Variants in CNTNAP2 observed in about 807,000 individuals in gnomAD.
CNTNAP2 encodes the protein contactin-associated protein-like 2.
CNTNAP2 carries 98 observed loss-of-function variants against 155.2 expected under a neutral mutation model. The ratio of observed to expected loss-of-function variants is 0.63; its 90% confidence interval spans 0.54 to 0.75. CNTNAP2 has a LOEUF of 0.75. CNTNAP2 is among the 30% of genes least tolerant of loss of function. The pLI is 0.00. For missense variants in CNTNAP2, 1,727 were observed against 1,688.1 expected (o/e 1.02, Z -0.40); for synonymous variants, 651 against 631.2 (o/e 1.03, Z -0.47).
At chr7:147,595,287 A>C (rs2116850734) in intron 12 of CNTNAP2, among the ~76,000 whole-genome samples, 1 of 152,310 alleles carries the variant, frequency 6.6e-6, no homozygotes, top group East Asian at 1.9e-4. Context: ...GTCTAGATTT[A>C]GTAGCCCTGA....
intron 9 of CNTNAP2, among the ~76,000 whole-genome samples, chr7:147,302,237 A>T (rs1394021541): frequency 6.6e-6 from 1 of 152,210 alleles, no homozygotes; most frequent in Non-Finnish European, 1.5e-5. Flanking sequence ...GCTACTGATA[A>T]TCTCTGCTGA....
chr7:146,409,389 A>T (rs1378698277), intron 1 of CNTNAP2, among the ~76,000 whole-genome samples: 2 of 152,214 alleles, frequency 1.3e-5, no homozygotes, highest in Non-Finnish European at 1.5e-5. Context: ...GTAGCAATTA[A>T]GTAATTTTTT....
chr7:147,964,582 T>C (rs1801174156), intron 14 of CNTNAP2, among the ~76,000 whole-genome samples: 1 of 152,098 alleles, frequency 6.6e-6, no homozygotes, highest in South Asian at 2.1e-4. Flanking sequence ...CTGAAAAAAA[T>C]AAAAAAGTGA....
intron 16 of CNTNAP2, among the ~76,000 whole-genome samples, chr7:148,124,829 C>T (rs564751627): frequency 4.6e-5 from 7 of 152,036 alleles, no homozygotes; most frequent in African/African-American, 1.2e-4. Flanking sequence ...TATGAACAAT[C>T]GGTGGAGAGG....
chr7:146,673,199 T>G (rs1241672021), intron 1 of CNTNAP2, among the ~76,000 whole-genome samples: 2 of 152,178 alleles, frequency 1.3e-5, no homozygotes, highest in Non-Finnish European at 2.9e-5. Context: ...CTTATTGCCT[T>G]CCATTGAATT....
In CNTNAP2 at chr7:148,380,196, G is replaced by T. The variant is rs566482963; in HGVS notation, c.3476-3453G>T. ...TAACACCTTACCCAAGACACCTCCA[G>T]GCAGAACGTTGTTTCTTACAGTAAA... On this transcript the variant is annotated intron_variant, in intron 21 of 23. Transcript: ENST00000361727. Among the ~76,000 whole-genome samples, 4 of 152,290 alleles carry T rather than the reference G, an allele frequency of 2.6e-5. No homozygotes were observed. The East Asian group carries it at 7.7e-4, about 29-fold the overall frequency.
chr7:148,332,029 A>T (rs1159091479), intron 21 of CNTNAP2, among the ~76,000 whole-genome samples: 1 of 152,110 alleles, frequency 6.6e-6, no homozygotes, highest in African/African-American at 2.4e-5. Flanking sequence ...GAAGCATTGG[A>T]TGGTGGTTCA....
chr7:147,612,469 C>T (rs1419040158), intron 12 of CNTNAP2, among the ~76,000 whole-genome samples: 14 of 148,998 alleles, frequency 9.4e-5, no homozygotes, highest in African/African-American at 3.5e-4. Flanking sequence ...GGCCTGATCT[C>T]GGCTCACCAC....
chr7:147,099,045 G>C (rs1031076131), intron 4 of CNTNAP2, among the ~76,000 whole-genome samples: 1 of 152,144 alleles, frequency 6.6e-6, no homozygotes, highest in African/African-American at 2.4e-5. Context: ...GAGGGGATGA[G>C]GGAACTGTGG....
At chr7:147,586,289 A>G (rs1295720111) in intron 12 of CNTNAP2, among the ~76,000 whole-genome samples, 2 of 151,880 alleles carry the variant, frequency 1.3e-5, no homozygotes, top group East Asian at 1.9e-4. Flanking sequence ...AATCCATTCT[A>G]TCAGTCTTAA....
intron 13 of CNTNAP2, among the ~76,000 whole-genome samples, chr7:147,739,265 T>C (rs906423130): frequency 1.3e-5 from 2 of 152,134 alleles, no homozygotes; most frequent in Admixed American, 6.5e-5. Context: ...TAATTGCTTT[T>C]ATTATCATTA....
At chr7:146,581,948 T>C (rs1193598081) in intron 1 of CNTNAP2, among the ~76,000 whole-genome samples, 1 of 152,090 alleles carries the variant, frequency 6.6e-6, no homozygotes, top group Non-Finnish European at 1.5e-5. Context: ...GAGTTTACAA[T>C]CTAGAAATGT....
chr7:147,149,144 T>C (rs1361283011), intron 8 of CNTNAP2, among the ~76,000 whole-genome samples: 2 of 152,172 alleles, frequency 1.3e-5, no homozygotes, highest in Non-Finnish European at 1.5e-5. Flanking sequence ...GATTGGTCCA[T>C]TTTATAGAGT....
chr7:148,057,134 G>A (rs1023583235), intron 15 of CNTNAP2, among the ~76,000 whole-genome samples: 1 of 152,166 alleles, frequency 6.6e-6, no homozygotes, highest in Non-Finnish European at 1.5e-5. Context: ...ATACATAAGA[G>A]CCACTGTTGT....
At chr7:146,945,802 T>G (rs1267871679) in intron 3 of CNTNAP2, among the ~76,000 whole-genome samples, 1 of 152,172 alleles carries the variant, frequency 6.6e-6, no homozygotes, top group Non-Finnish European at 1.5e-5. Flanking sequence ...TAAAGAAAAT[T>G]TTATTTCATA....
chr7:147,821,530 C>T (rs1798360286), intron 13 of CNTNAP2, among the ~76,000 whole-genome samples: 1 of 152,030 alleles, frequency 6.6e-6, no homozygotes, highest in Non-Finnish European at 1.5e-5. Flanking sequence ...CTATAAATAA[C>T]ATAAACATGA....
intron 16 of CNTNAP2, among the ~76,000 whole-genome samples, chr7:148,119,547 T>A (rs1395945720): frequency 1.3e-5 from 2 of 151,880 alleles, no homozygotes; most frequent in Non-Finnish European, 2.9e-5. Context: ...GAAAAAAAAG[T>A]CTCCCTTTGC....
intron 1 of CNTNAP2, among the ~76,000 whole-genome samples, chr7:146,654,588 G>A (rs1799965748): frequency 6.6e-6 from 1 of 152,154 alleles, no homozygotes; most frequent in Admixed American, 6.5e-5. Flanking sequence ...AATACTTGGG[G>A]CTGCATAATT....
chr7:148,007,891 G>A (rs1221442688), intron 15 of CNTNAP2, among the ~76,000 whole-genome samples: 1 of 152,150 alleles, frequency 6.6e-6, no homozygotes, highest in Admixed American at 6.6e-5. Flanking sequence ...GTATCTGTGA[G>A]AGGCAGAATA....
Sources: gnomAD v4.1 joint callset for allele counts (sites outside exome capture counted in the v4.1 genomes callset) on GRCh38, gnomAD v4.1.1 for gene constraint, MANE v1.5 for transcripts, NCBI Gene and HGNC (gene_info 2026-07-23, HGNC 2026-07-21) for gene names.